Variants in LRRC20 observed in about 807,000 individuals in gnomAD.
LRRC20 encodes leucine rich repeat containing 20.
LRRC20 carries 11 observed loss-of-function variants against 14.4 expected under a neutral mutation model. That is an observed-to-expected ratio of 0.77 (90% CI 0.48 to 1.27). LRRC20 has a LOEUF of 1.27. Ranked by LOEUF, LRRC20 falls within the 50% of genes most tolerant of loss-of-function variation. LRRC20 has a pLI of 0.00. For missense variants in LRRC20, 219 were observed against 251.2 expected (o/e 0.87, Z 0.87); for synonymous variants, 121 against 107.3 (o/e 1.13, Z -0.79).
intron 2 of LRRC20, among the ~76,000 whole-genome samples, chr10:70,369,636 A>G (rs983338677): frequency 6.8e-6 from 1 of 147,086 alleles, no homozygotes; most frequent in Non-Finnish European, 1.5e-5. Context: ...AAAAAAAACC[A>G]TACATACACA....
At chr10:70,314,681 T>A (rs142384224) in intron 4 of LRRC20, among the ~76,000 whole-genome samples, 1 of 151,996 alleles carries the variant, frequency 6.6e-6, no homozygotes, top group East Asian at 1.9e-4. Context: ...AGTTTGAGCA[T>A]CGCTGGTCTT....
At position 70,359,922 on chromosome 10, in the gene LRRC20, T is replaced by TTTC. The variant is rs552203468; in HGVS notation, c.82+16529_82+16530insGAA. ...CCACTGCATTTTTTTTCTTTTTCTT[T>TTTC]TTTTTTTTTTTTGAGGTGGAGTCTC... On this transcript the variant is annotated intron_variant, in intron 2 of 4. Coordinates refer to ENST00000446961, the MANE Select transcript of LRRC20 (RefSeq NM_001278212.2). Among the ~76,000 whole-genome samples the TTTC allele has an allele frequency of 8.7e-3, 1,305 of 150,354 alleles. 15 individuals carry two copies. The highest frequency in any genetic ancestry group is 0.055 in the South Asian group (265 of 4,790).
intron 4 of LRRC20, among the ~76,000 whole-genome samples, chr10:70,317,224 G>C (rs1297849011): frequency 6.6e-6 from 1 of 152,244 alleles, no homozygotes; most frequent in African/African-American, 2.4e-5. Context: ...GTTTGATTCA[G>C]AGGCTCTCTA....
intron 2 of LRRC20, among the ~76,000 whole-genome samples, chr10:70,366,100 C>G (rs1273475970): frequency 1.4e-5 from 2 of 143,276 alleles, no homozygotes; most frequent in African/African-American, 2.6e-5. Context: ...CAACAAAAAA[C>G]GAATGGATAG....
intron 4 of LRRC20, among the ~76,000 whole-genome samples, chr10:70,314,998 C>T (rs1238079904): frequency 2.0e-5 from 3 of 152,224 alleles, no homozygotes; most frequent in Non-Finnish European, 4.4e-5. Flanking sequence ...AGCAAGACTA[C>T]TTGGGTTGGA....
chr10:70,367,958 CTATGT>C, intron 2 of LRRC20, among the ~76,000 whole-genome samples: 3 of 21,894 alleles, frequency 1.4e-4, no homozygotes, highest in Admixed American at 5.0e-4. Context: ...ATAAATCTGC[CTATGT>C]TATGTTATGT....
chr10:70,334,283 C>T (rs1034453695), intron 3 of LRRC20, among the ~76,000 whole-genome samples: 1 of 152,158 alleles, frequency 6.6e-6, no homozygotes, highest in African/African-American at 2.4e-5. Flanking sequence ...TTCCTGAGCC[C>T]CCTCTTCTTT....
At chr10:70,364,874 C>T (rs1375263833) in intron 2 of LRRC20, among the ~76,000 whole-genome samples, 1 of 152,198 alleles carries the variant, frequency 6.6e-6, no homozygotes, top group East Asian at 1.9e-4. Flanking sequence ...TTCATCATCT[C>T]CCACATGCAC....
chr10:70,372,645 T>G (rs980928757), intron 2 of LRRC20, among the ~76,000 whole-genome samples: 22 of 151,958 alleles, frequency 1.4e-4, no homozygotes, highest in Non-Finnish European at 2.5e-4. Flanking sequence ...GGTTTCACCA[T>G]GTTAGCCAGG....
intron 2 of LRRC20, among the ~76,000 whole-genome samples, chr10:70,354,009 T>C (rs567319905): frequency 1.3e-5 from 2 of 152,342 alleles, no homozygotes; most frequent in African/African-American, 4.8e-5. Flanking sequence ...TGTCACTTAC[T>C]GTCTGTGGGA....
chr10:70,304,560 TGTG>T (rs1841347507), intron 4 of LRRC20, among the ~76,000 whole-genome samples: 3 of 149,794 alleles, frequency 2.0e-5, no homozygotes, highest in Non-Finnish European at 4.4e-5. Context: ...AATTTTTAAT[TGTG>T]GTAAAATACA....
At chr10:70,362,611 C>T (rs2137110554) in intron 2 of LRRC20, among the ~76,000 whole-genome samples, 1 of 152,348 alleles carries the variant, frequency 6.6e-6, no homozygotes, top group East Asian at 1.9e-4. Flanking sequence ...ACAGAACTCT[C>T]ATCTTTTCAC....
At chr10:70,318,876 C>G (rs2136928576) in intron 4 of LRRC20, among the ~76,000 whole-genome samples, 1 of 152,048 alleles carries the variant, frequency 6.6e-6, no homozygotes, top group South Asian at 2.1e-4. Context: ...GGTGCAATCA[C>G]AGCTCACTGC....
intron 2 of LRRC20, among the ~76,000 whole-genome samples, chr10:70,347,284 G>A (rs185711445): frequency 2.0e-5 from 3 of 152,270 alleles, no homozygotes; most frequent in African/African-American, 7.2e-5. Context: ...TTGGGCTGGG[G>A]CAGAGCTGTG....
intron 4 of LRRC20, among the ~76,000 whole-genome samples, chr10:70,317,094 A>T (rs1841892532): frequency 6.6e-6 from 1 of 152,172 alleles, no homozygotes; most frequent in African/African-American, 2.4e-5. Context: ...ATGGGCTTGG[A>T]GCCCCAGATC....
intron 2 of LRRC20, among the ~76,000 whole-genome samples, chr10:70,363,872 A>G (rs1843858198): frequency 6.6e-6 from 1 of 152,118 alleles, no homozygotes. Flanking sequence ...GAGGAGGCAG[A>G]GTTGGGAAAG....
rs574165411 is a variant in LRRC20 at position 70,341,266 on chromosome 10, A to G, written c.83-564T>C. On this transcript the variant is annotated intron_variant, in intron 2 of 4. Coordinates refer to ENST00000446961, the MANE Select transcript of LRRC20 (RefSeq NM_001278212.2). ...TAAACACAGAGCACAGAGTTACCAT[A>G]TGACCCAGTCACTCCACTCTTAGGT... is the stretch of plus-strand genomic sequence containing the variant. Among the ~76,000 whole-genome samples, 19 of 152,340 alleles carry G rather than the reference A, an allele frequency of 1.2e-4. No individual in the cohort carries two copies. The South Asian group carries it at 3.9e-3, about 32-fold the overall frequency.
rs139819691 is a variant in LRRC20 at position 70,355,408 on chromosome 10, C to G, written c.83-14706G>C. Among the ~76,000 whole-genome samples the G allele has an allele frequency of 7.4e-3, 1,132 of 152,136 alleles. 13 individuals are homozygous for G. The highest frequency in any genetic ancestry group is 0.056 in the South Asian group (269 of 4,810). On this transcript the variant is annotated intron_variant, in intron 2 of 4. Coordinates refer to ENST00000446961, the MANE Select transcript of LRRC20 (RefSeq NM_001278212.2). ...TCTGAGCCTGTTTCCTGTCTCATGC[C>G]CCTTATAGAGAAAAGGGCATGGGAG...
chr10:70,381,220 C>T (rs1330585222), intron 1 of LRRC20, among the ~76,000 whole-genome samples: 1 of 152,238 alleles, frequency 6.6e-6, no homozygotes, highest in African/African-American at 2.4e-5. Flanking sequence ...TGGGAAGTAA[C>T]TGATATGTAA....
Sources: allele counts gnomAD v4.1 joint callset (sites outside exome capture counted in the v4.1 genomes callset), GRCh38; gene constraint gnomAD v4.1.1; transcripts MANE v1.5; gene names NCBI Gene and HGNC (gene_info 2026-07-23, HGNC 2026-07-21).